The following GOLGA3 variants were observed in gnomAD, a reference collection of about 807,000 sequenced individuals.
GOLGA3 encodes golgin A3.
A neutral mutation model predicts 169.4 loss-of-function variants in GOLGA3; 75 were observed. That is an observed-to-expected ratio of 0.44 (90% CI 0.37 to 0.54). GOLGA3 has a LOEUF of 0.54. Ranked by LOEUF, GOLGA3 falls within the 20% of genes least tolerant of loss-of-function variation. The pLI is 0.00. For missense variants in GOLGA3, 1,899 were observed against 1,930.0 expected, an observed-to-expected ratio of 0.98 and a Z score of 0.30; for synonymous variants, 824 against 822.4, an observed-to-expected ratio of 1.00 and a Z score of -0.03.
chr12:132,804,758 C>T lies in GOLGA3; in HGVS notation c.1555G>A (p.Val519Ile), dbSNP rs1207939776. Residue 519 changes from valine to isoleucine, a missense_variant, in exon 7 of 24, where the codon GTA becomes ATA. By Grantham distance (29) the Val-to-Ile change is conservative (BLOSUM62 3). Coordinates refer to ENST00000450791, the MANE Select transcript of GOLGA3 (RefSeq NM_001389683.1). The surrounding 1 kb of genome is among the most constrained non-coding windows in gnomAD (Gnocchi z 4.1). ...AGCATGCTCCTCTGCATGTCCTCTA[C>T]CTTGGCCATAAGCCTCTGGTACTGC... ...EEQYQRLMAKVEDMQRSMLSK... is the reference protein window; with the variant it reads ...EEQYQRLMAKIEDMQRSMLSK... 1 of 1,614,240 alleles carries T rather than the reference C, an allele frequency of 6.2e-7. No homozygotes were observed. Among genetic ancestry groups the T allele is most frequent in the Admixed American group, 1.7e-5 (1 of 60,032 alleles).
At chr12:132,798,095 G>A (rs1031148943) in intron 9 of GOLGA3, among the ~76,000 whole-genome samples, 3 of 151,464 alleles carry the variant, frequency 2.0e-5, no homozygotes, top group Admixed American at 6.6e-5. Flanking sequence ...AGGTGAGGAT[G>A]AGGGGTGGGG....
chr12:132,784,681 ACAC>A (rs778082623), intron 15 of GOLGA3, among the ~76,000 whole-genome samples: 2 of 151,722 alleles, frequency 1.3e-5, no homozygotes, highest in Non-Finnish European at 2.9e-5. Flanking sequence ...CATGTAACAC[ACAC>A]CACGTGCACA....
At chr12:132,775,038 C>CA in intron 22 of GOLGA3, 103 bp downstream of exon 22, 1 of 1,024,780 alleles carries the variant, frequency 9.8e-7, no homozygotes, top group Non-Finnish European at 1.4e-6. Context: ...GTGGGCTCAA[C>CA]AAATCCGTTT....
chr12:132,793,010 C>T (rs1469138539), intron 11 of GOLGA3, among the ~76,000 whole-genome samples: 2 of 119,220 alleles, frequency 1.7e-5, no homozygotes, highest in Admixed American at 8.4e-5. Flanking sequence ...ACAGACCGCA[C>T]GGGACCCGCA....
intron 8 of GOLGA3, among the ~76,000 whole-genome samples, chr12:132,801,317 C>T (rs929517783): frequency 2.0e-5 from 3 of 152,276 alleles, no homozygotes; most frequent in Admixed American, 6.5e-5. Context: ...AAGCTCCAAC[C>T]GGGAAGAGAA....
intron 22 of GOLGA3, chr12:132,774,885 G>A (rs1593219480): frequency 1.3e-5 from 7 of 535,234 alleles, no homozygotes; most frequent in East Asian, 6.3e-5. Context: ...ACAGACCACC[G>A]CTCATCTGCT....
chr12:132,819,181 C>T (rs577221697), intron 2 of GOLGA3, among the ~76,000 whole-genome samples: 161 of 152,194 alleles, frequency 1.1e-3, no homozygotes, highest in African/African-American at 3.2e-3. Context: ...CAGCATTCCT[C>T]GGATCCCACG....
At chr12:132,824,622 G>A (rs1017769083) in intron 1 of GOLGA3, among the ~76,000 whole-genome samples, 2 of 152,194 alleles carry the variant, frequency 1.3e-5, no homozygotes, top group African/African-American at 2.4e-5. Flanking sequence ...CAGAAGTGAA[G>A]GAAGTTACCA....
intron 12 of GOLGA3, 110 bp from the exon 13 acceptor site, chr12:132,789,400 C>T: frequency 1.1e-6 from 1 of 886,964 alleles, no homozygotes; most frequent in Non-Finnish European, 1.7e-6. Context: ...GGGGGCATAA[C>T]TTTTTTGAGG....
At chr12:132,784,692 A>T (rs2045798663) in intron 15 of GOLGA3, among the ~76,000 whole-genome samples, 1 of 151,358 alleles carries the variant, frequency 6.6e-6, no homozygotes, top group African/African-American at 2.4e-5. Context: ...CACCACGTGC[A>T]CATGTTCACA....
At chr12:132,805,061 C>A in intron 6 of GOLGA3, 39 bp from the exon 7 acceptor site, 1 of 1,580,424 alleles carries the variant, frequency 6.3e-7, no homozygotes, top group South Asian at 1.1e-5. Context: ...TTTAAGAAAA[C>A]GAGTCACTTC....
At chr12:132,802,534 C>T (rs1457818334) in intron 7 of GOLGA3, among the ~76,000 whole-genome samples, 2 of 151,880 alleles carry the variant, frequency 1.3e-5, no homozygotes, top group African/African-American at 2.4e-5. Flanking sequence ...CTGAGGCGGG[C>T]GGATCCCATG....
chr12:132,775,253 T>A lies in GOLGA3; in HGVS notation c.4031A>T (p.Lys1344Met). 6.2e-7 allele frequency: 1 copy of A among 1,614,066 alleles called. No homozygotes were observed. The highest frequency in any genetic ancestry group is 8.5e-7 in the Non-Finnish European group (1 of 1,179,896). Residue 1344 changes from lysine (K) to methionine (M), a missense_variant, in exon 22 of 24, where the codon AAG (lysine) becomes ATG (methionine). Transcript: ENST00000450791. Reference protein sequence around the residue: ...MAQEDLSMTQKDKFMLQAKVS... With the variant: ...MAQEDLSMTQMDKFMLQAKVS... ...TTTTGCCTGGAGCATAAATTTATCC[T>A]TCTGGGTCATGGACAGGTCTTCCTG...
intron 23 of GOLGA3, 108 bp from the exon 24 acceptor site, chr12:132,773,402 T>C: frequency 1.6e-6 from 1 of 640,666 alleles, no homozygotes; most frequent in Non-Finnish European, 2.5e-6. Flanking sequence ...CGGGGCGCCT[T>C]CGGGGATCCG....
intron 9 of GOLGA3, 141 bp from the exon 10 acceptor site, chr12:132,796,841 T>C: frequency 1.1e-6 from 1 of 899,268 alleles, no homozygotes; most frequent in Non-Finnish European, 1.7e-6. Flanking sequence ...GACTGCAGAC[T>C]GAGGGCCCAG....
rs1406546524 is a variant in GOLGA3 at position 132,775,293 on chromosome 12, C to CA, written c.3990dup (p.Glu1331Ter). On this transcript the variant is annotated frameshift_variant, in exon 22 of 24. Transcript: ENST00000450791. LOFTEE classifies it high-confidence loss of function. ...AGGTCTTCCTGGGCCATCTCCAACT[C>CA]AGACTTGACGTTCTGTGGAAAATGA... 6.2e-7 allele frequency: 1 copy of CA among 1,608,100 alleles called. No homozygotes were observed. Among genetic ancestry groups the CA allele is most frequent in the Non-Finnish European group, 8.5e-7 (1 of 1,177,760 alleles).
chr12:132,796,573 T>C lies in GOLGA3; in HGVS notation c.2066A>G (p.Asp689Gly), dbSNP rs773216978. Residue 689 changes from aspartate to glycine, a missense_variant, in exon 10 of 24, where the codon GAC (aspartate) becomes GGC (glycine). Asp to Gly is a moderately conservative substitution (Grantham distance 94, BLOSUM62 -1). Coordinates refer to ENST00000450791, the MANE Select transcript of GOLGA3 (RefSeq NM_001389683.1). ...GERERLQRMA[D>G]SAASLEQQLE... Reference sequence around the variant, plus strand: ...CTGCTGCTCCAGGGATGCCGCCGAGTCCGCCATCCTCTGCAGCCGCTCCCT... The same window carrying C: ...CTGCTGCTCCAGGGATGCCGCCGAGCCCGCCATCCTCTGCAGCCGCTCCCT... The C allele has an allele frequency of 6.2e-7, 1 of 1,613,024 alleles. No individual in the cohort carries two copies. Among genetic ancestry groups the C allele is most frequent in the East Asian group, 2.2e-5 (1 of 44,880 alleles).
chr12:132,799,297 C>CA (rs1446889432), intron 8 of GOLGA3, among the ~76,000 whole-genome samples: 1 of 151,974 alleles, frequency 6.6e-6, no homozygotes, highest in Non-Finnish European at 1.5e-5. Flanking sequence ...ATTTGGGTAC[C>CA]AAAAAAATGT....
At position 132,804,158 on chromosome 12, in the gene GOLGA3, C is replaced by T. The variant is rs559500255; in HGVS notation, c.1597+558G>A. Among the ~76,000 whole-genome samples, 10 of 152,174 alleles carry T rather than the reference C, an allele frequency of 6.6e-5. No individual in the cohort carries two copies. The highest frequency in any genetic ancestry group is 3.3e-4 in the Admixed American group (5 of 15,272). ...GAGCCCTATAGGGAGGCAGCTGGACCGACGCACTGCATCCAGGGAGAAAAG... is the reference window on the plus strand; with the variant it reads ...GAGCCCTATAGGGAGGCAGCTGGACTGACGCACTGCATCCAGGGAGAAAAG... On this transcript the variant is annotated intron_variant, in intron 7 of 23. Coordinates refer to ENST00000450791, the MANE Select transcript of GOLGA3 (RefSeq NM_001389683.1). This position sits in a 1 kb window ranked among gnomAD's most constrained non-coding sequence, Gnocchi z 4.1.
Sources: gnomAD v4.1 joint callset for allele counts (sites outside exome capture counted in the v4.1 genomes callset) on GRCh38, gnomAD v4.1.1 for gene constraint, Gnocchi (gnomAD v3.1) non-coding constraint, MANE v1.5 for transcripts, NCBI Gene and HGNC (gene_info 2026-07-23, HGNC 2026-07-21) for gene names.